THSD4: variants seen among roughly 807,000 people sequenced by gnomAD.
The protein encoded by THSD4 is thrombospondin type 1 domain containing 4.
A neutral mutation model predicts 119.0 loss-of-function variants in THSD4; 69 were observed. That is an observed-to-expected ratio of 0.58 (90% CI 0.48 to 0.71). The LOEUF is 0.71. Among genes scored for constraint, THSD4 ranks in the 30% least tolerant of loss-of-function variants. The pLI, the probability that THSD4 is intolerant of heterozygous loss-of-function variation, is 0.00. For missense variants in THSD4, 1,393 were observed against 1,391.1 expected, an observed-to-expected ratio of 1.00 and a Z score of -0.02; for synonymous variants, 524 against 540.4, an observed-to-expected ratio of 0.97 and a Z score of 0.42.
intron 6 of THSD4, among the ~76,000 whole-genome samples, chr15:71,258,232 G>A (rs190274771): frequency 6.6e-6 from 1 of 152,280 alleles, no homozygotes; most frequent in Non-Finnish European, 1.5e-5. Flanking sequence ...AGGCTGGAGT[G>A]CGGTGGCGTG....
In THSD4 at chr15:71,101,667, G is replaced by A. The variant is rs539449196; in HGVS notation, c.-80+4661G>A. On this transcript the variant is annotated intron_variant, in intron 1 of 17. Transcript: ENST00000355327. The stretch of plus-strand genomic sequence containing the variant: ...CCTTATTTCATTGTCATTCATGAAC[G>A]ATATTTCCACTGGATATAAGATTCT... 3.3e-5 allele frequency among the ~76,000 whole-genome samples: 5 copies of A among 151,928 alleles called. No homozygotes were observed. In the East Asian group the frequency reaches 5.8e-4, roughly 18 times the overall value.
chr15:71,740,158 T>G (rs2053207528), intron 11 of THSD4, among the ~76,000 whole-genome samples: 1 of 152,182 alleles, frequency 6.6e-6, no homozygotes, highest in Admixed American at 6.5e-5. Context: ...GGACTGCAGA[T>G]TCATTGGACC....
At chr15:71,609,851 CAAAA>C (rs369430349) in intron 7 of THSD4, among the ~76,000 whole-genome samples, 1 of 115,588 alleles carries the variant, frequency 8.7e-6, no homozygotes, top group Non-Finnish European at 1.7e-5. Context: ...GACTCCGTCT[CAAAA>C]AAAAAAAAAA....
At chr15:71,124,965 T>A (rs376059248) in intron 1 of THSD4, among the ~76,000 whole-genome samples, 1 of 152,066 alleles carries the variant, frequency 6.6e-6, no homozygotes, top group South Asian at 2.1e-4. Flanking sequence ...GCTACATATA[T>A]GGGAGGCTAA....
At chr15:71,585,747 C>G (rs933650783) in intron 7 of THSD4, among the ~76,000 whole-genome samples, 5 of 152,080 alleles carry the variant, frequency 3.3e-5, no homozygotes, top group Non-Finnish European at 7.4e-5. Context: ...TCCCATAAGT[C>G]CTGTAGGCTT....
At chr15:71,462,772 T>C (rs1015073424) in intron 7 of THSD4, among the ~76,000 whole-genome samples, 3 of 152,250 alleles carry the variant, frequency 2.0e-5, no homozygotes, top group African/African-American at 7.2e-5. Flanking sequence ...CTCTTTAAAG[T>C]ACAGTCTCCA....
In THSD4 at chr15:71,587,792, AAAAAAAAG is replaced by A. The variant is rs1298620196; in HGVS notation, c.1153-72730_1153-72723del. Among the ~76,000 whole-genome samples, 577 of 79,998 alleles carry A rather than the reference AAAAAAAAG, an allele frequency of 7.2e-3. 3 individuals are homozygous for A. The highest frequency in any genetic ancestry group is 0.019 in the African/African-American group (495 of 25,710). The allele number at this position is 79,998 out of a possible 152,430, so 52.5% of individuals were successfully genotyped here. A position where few individuals can be genotyped will look rare whatever the true frequency, so the allele number is the denominator to read the frequency against. The stretch of plus-strand genomic sequence containing the variant: ...GTATAATAAAAAAAAAAAATTAAAA[AAAAAAAAG>A]AAAAAAAAAAAAGAAAAACCAAAAA... On this transcript the variant is annotated intron_variant, in intron 7 of 17. Transcript: ENST00000261862.
chr15:71,567,903 A>T (rs1469813618), intron 7 of THSD4, among the ~76,000 whole-genome samples: 5 of 152,046 alleles, frequency 3.3e-5, no homozygotes, highest in Non-Finnish European at 7.4e-5. Flanking sequence ...CCCCACCTCT[A>T]GCTGTTGGAT....
chr15:71,268,960 G>A (rs1161606015), intron 6 of THSD4, among the ~76,000 whole-genome samples: 6 of 152,058 alleles, frequency 3.9e-5, no homozygotes, highest in Non-Finnish European at 7.4e-5. Context: ...CTGAAATTGA[G>A]GCAGTAATTA....
At chr15:71,520,534 T>C (rs1192636312) in intron 7 of THSD4, among the ~76,000 whole-genome samples, 1 of 152,206 alleles carries the variant, frequency 6.6e-6, no homozygotes, top group Admixed American at 6.5e-5. Context: ...TTTATCCCAC[T>C]GCCTTTGAGT....
chr15:71,444,513 C>T (rs1016457829), intron 7 of THSD4, among the ~76,000 whole-genome samples: 6 of 152,220 alleles, frequency 3.9e-5, no homozygotes, highest in African/African-American at 1.2e-4. Flanking sequence ...CTCCTGAGCA[C>T]CAGACTCATC....
chr15:71,384,327 G>A (rs373929053), intron 6 of THSD4, among the ~76,000 whole-genome samples: 10 of 152,114 alleles, frequency 6.6e-5, no homozygotes, highest in South Asian at 2.1e-4. Context: ...GCAGTGAGCC[G>A]AGAGTGCGCC....
chr15:71,466,344 CAAAAA>C (rs66981958), intron 7 of THSD4, among the ~76,000 whole-genome samples: 1 of 117,392 alleles, frequency 8.5e-6, no homozygotes, highest in Admixed American at 8.6e-5. Flanking sequence ...GACTCCATCT[CAAAAA>C]AAAAAAAAAG....
chr15:71,158,553 T>C (rs1404870783), intron 3 of THSD4, among the ~76,000 whole-genome samples: 10 of 152,204 alleles, frequency 6.6e-5, no homozygotes, highest in African/African-American at 2.4e-4. Context: ...TGATCAGTGA[T>C]GTTGAGCATT....
chr15:71,405,050 G>A (rs1428236968), intron 6 of THSD4, among the ~76,000 whole-genome samples: 2 of 151,970 alleles, frequency 1.3e-5, no homozygotes, highest in African/African-American at 4.8e-5. Flanking sequence ...AACCATGCCT[G>A]GCTAATTTTT....
rs2053979608 is a variant in THSD4, at chr15:71,780,456, C to T, written c.*3082C>T. 1 of 245,684 alleles carries T rather than the reference C, an allele frequency of 4.1e-6. No individual in the cohort carries two copies. The allele number at this position is 245,684 out of a possible 1,614,324, so 15.2% of individuals were successfully genotyped here. On this transcript the variant is annotated 3_prime_UTR_variant, in exon 18 of 18. Coordinates refer to ENST00000261862, the MANE Select transcript of THSD4 (RefSeq NM_024817.3). ...GACATTTAGTACTATCGATTCTTTC[C>T]ACCCTCACGATGACTTGCGGTTCTC... is the stretch of plus-strand genomic sequence containing the variant.
intron 15 of THSD4, among the ~76,000 whole-genome samples, 159 bp downstream of exon 15, chr15:71,758,234 C>G (rs989404284): frequency 2.0e-5 from 3 of 152,232 alleles, no homozygotes; most frequent in African/African-American, 2.4e-5. Context: ...ATTTCTGGAG[C>G]CTCAGTCAGT....
chr15:71,565,367 CTG>C (rs1263926717), intron 7 of THSD4, among the ~76,000 whole-genome samples: 1 of 152,214 alleles, frequency 6.6e-6, no homozygotes, highest in African/African-American at 2.4e-5. Flanking sequence ...ATAATATTGA[CTG>C]TGTAATGCAG....
At chr15:71,239,829 A>G (rs1411814051) in intron 4 of THSD4, among the ~76,000 whole-genome samples, 1 of 152,228 alleles carries the variant, frequency 6.6e-6, no homozygotes, top group African/African-American at 2.4e-5. Context: ...AGAAGAGGCC[A>G]TTCAGACCCG....
Sources: allele counts gnomAD v4.1 joint callset (sites outside exome capture counted in the v4.1 genomes callset), GRCh38; gene constraint gnomAD v4.1.1; transcripts MANE v1.5; gene names NCBI Gene and HGNC (gene_info 2026-07-23, HGNC 2026-07-21).